FAM83H: variants seen among roughly 807,000 people sequenced by gnomAD.
FAM83H encodes the protein scaffolding CK1 anchoring protein H.
A neutral mutation model predicts 30.2 loss-of-function variants in FAM83H; 24 were observed. That is an observed-to-expected ratio of 0.79 (90% CI 0.57 to 1.12). FAM83H has a LOEUF of 1.12. FAM83H is among the 50% of genes most tolerant of loss of function. FAM83H has a pLI of 0.00. For synonymous variants in FAM83H, 1,013 were observed against 821.7 expected, an observed-to-expected ratio of 1.23 and a Z score of -3.98; for missense variants, 2,038 against 1,773.9, an observed-to-expected ratio of 1.15 and a Z score of -2.67.
chr8:143,725,208 G>C lies in FAM83H; in HGVS notation c.*713C>G, dbSNP rs1049691750. 1 of 148,776 alleles carries C rather than the reference G, an allele frequency of 6.7e-6. No homozygotes were observed. Among genetic ancestry groups the C allele is most frequent in the Non-Finnish European group, 1.5e-5 (1 of 66,770 alleles). The allele number at this position is 148,776 out of a possible 1,614,324, so 9.2% of individuals were successfully genotyped here. ...GGAGACCTTGAGAGAGGGAGGGAGC[G>C]GGGAGGGGGGAGGCCCTGAGAACAG... On this transcript the variant is annotated 3_prime_UTR_variant, in exon 5 of 5. Transcript: ENST00000388913.
rs1281497179 is a variant in FAM83H at position 143,723,981 on chromosome 8, T to G, written c.*1940A>C. 1 of 152,182 alleles carries G rather than the reference T, an allele frequency of 6.6e-6. No homozygotes were observed. The highest frequency in any genetic ancestry group is 1.5e-5 in the Non-Finnish European group (1 of 68,032). The allele number at this position is 152,182 out of a possible 1,614,324, so 9.4% of individuals were successfully genotyped here. A position where few individuals can be genotyped will look rare whatever the true frequency, so the allele number is the denominator to read the frequency against. On this transcript the variant is annotated 3_prime_UTR_variant, in exon 5 of 5. Transcript: ENST00000388913. ...AACACCAAAATGTGCCACATCATGG[T>G]TTAGAAGAGGTGGAGGGTGCAGGCA...
Position 143,727,774 on chromosome 8 carries a change from C to T in FAM83H, c.1687G>A (p.Glu563Lys), listed in dbSNP as rs1554622865. ...AARPGPDPAP[E>K]AEPERRGGPE... ...CCGCCCCTGCGCTCCGGCTCCGCCT[C>T]GGGAGCGGGGTCTGGGCCCGGCCTC... Residue 563 changes from glutamate to lysine, a missense_variant, in exon 5 of 5, where the codon GAG (glutamate) becomes AAG (lysine). Transcript: ENST00000388913. 1.4e-6 allele frequency: 2 copies of T among 1,454,698 alleles called. No homozygotes were observed. Among genetic ancestry groups the T allele is most frequent in the South Asian group, 2.7e-5 (2 of 74,522 alleles). 90.1% of individuals were successfully genotyped at this position (1,454,698 alleles called of 1,614,324 possible).
Position 143,731,417 on chromosome 8 carries a change from C to T in FAM83H, c.-15-820G>A, listed in dbSNP as rs569807471. Reference sequence around the variant, plus strand: ...CAGCAAACAGGGCTGTGACTACCCTCCTCCTGGAATGGCAACCTTAAGCCC... The same window carrying T: ...CAGCAAACAGGGCTGTGACTACCCTTCTCCTGGAATGGCAACCTTAAGCCC... On this transcript the variant is annotated intron_variant, in intron 1 of 4. Transcript: ENST00000388913. 9.1e-6 allele frequency: 9 copies of T among 985,362 alleles called. No individual in the cohort carries two copies. In the African/African-American group the frequency reaches 1.6e-4, roughly 17 times the overall value. The allele number at this position is 985,362 out of a possible 1,614,324, so 61.0% of individuals were successfully genotyped here.
In FAM83H at chr8:143,729,289, A is replaced by C. The variant is rs782288794; in HGVS notation, c.482T>G (p.Val161Gly). 11 of 1,613,210 alleles carry C rather than the reference A, an allele frequency of 6.8e-6. No homozygotes were observed. The highest frequency in any genetic ancestry group is 1.7e-5 in the Admixed American group (1 of 60,010). Residue 161 changes from valine to glycine, a missense_variant, in exon 3 of 5, where the codon GTG becomes GGG. Transcript: ENST00000388913. ...CTCCAGCACTTCGCTGAGCAGGTCC[A>C]CATCAGTGAACATGTCCATCACCAC... The part of the protein sequence containing the change: ...VAVVMDMFTD[V>G]DLLSEVLEAA...
chr8:143,730,163 G>C lies in FAM83H; in HGVS notation c.420C>G (p.Ala140=), dbSNP rs782434233. Reference sequence around the variant, plus strand: ...GCTGGGCGGAACGGATCATCCTGCGGGCCTCATCCTTGATACTGGGGCTGT... The same window carrying C: ...GCTGGGCGGAACGGATCATCCTGCGCGCCTCATCCTTGATACTGGGGCTGT... The part of the protein sequence containing the change: ...PPDSPSIKDE[A]RRMIRSAQQV... The change falls in exon 2 of 5, where the codon GCC becomes GCG. Residue 140 remains alanine (A), a synonymous_variant. Coordinates refer to ENST00000388913, the MANE Select transcript of FAM83H (RefSeq NM_198488.5). The C allele has an allele frequency of 1.3e-5, 20 of 1,597,244 alleles. No homozygotes were observed. The highest frequency in any genetic ancestry group is 1.7e-5 in the Admixed American group (1 of 59,140).
In FAM83H at chr8:143,728,548, C is replaced by A; in HGVS notation, c.913G>T (p.Ala305Ser). 1 of 1,576,300 alleles carries A rather than the reference C, an allele frequency of 6.3e-7. No homozygotes were observed. Among genetic ancestry groups the A allele is most frequent in the South Asian group, 1.1e-5 (1 of 87,232 alleles). ...CCAGGGACGCCCACGAGAGGCCCGG[C>A]CCCGGCATACGGAGCCAGGGCATAG... ...DAYALAPYAG[A>S]GPLVGVPGVG... Residue 305 changes from alanine (A) to serine (S), a missense_variant, in exon 5 of 5, where the codon GCC becomes TCC. Physicochemically the swap from Ala to Ser is moderately conservative, Grantham distance 99. Transcript: ENST00000388913.
chr8:143,727,260 A>C lies in FAM83H; in HGVS notation c.2201T>G (p.Val734Gly). 3 of 1,535,160 alleles carry C rather than the reference A, an allele frequency of 2.0e-6. No individual in the cohort carries two copies. Among genetic ancestry groups the C allele is most frequent in the Non-Finnish European group, 2.6e-6 (3 of 1,146,404 alleles). The change falls in exon 5 of 5, where the codon GTG becomes GGG. Residue 734 changes from valine to glycine, a missense_variant. Physicochemically the swap from Val to Gly is moderately radical, Grantham distance 109. Transcript: ENST00000388913. ...CTTGTACTTCTCCAGCAGCTCCGCC[A>C]CCTTGGTGGAAGCCGCGGAGCGCAC... is the stretch of plus-strand genomic sequence containing the variant. ...EAVRSAASTK[V>G]AELLEKYKGP...
At chr8:143,728,862 A>G (rs2129681270) in intron 4 of FAM83H, 105 bp downstream of exon 4, 1 of 1,601,138 alleles carries the variant, frequency 6.2e-7, no homozygotes, top group African/African-American at 1.3e-5. Context: ...GCAGGGGTCT[A>G]CAGGACAAGG....
At position 143,725,999 on chromosome 8, in the gene FAM83H, G is replaced by A. The variant is rs576181548; in HGVS notation, c.3462C>T (p.Pro1154=). Residue 1154 remains proline, a synonymous_variant, in exon 5 of 5, where the codon CCC becomes CCT. Coordinates refer to ENST00000388913, the MANE Select transcript of FAM83H (RefSeq NM_198488.5). The part of the protein sequence containing the change: ...EASSPGAGEG[P]AEEGTRDSKV... ...TGCTGTCCCTGGTGCCCTCCTCCGC[G>A]GGGCCTTCCCCTGCCCCAGGGCTGC... 3.1e-6 allele frequency: 5 copies of A among 1,613,032 alleles called. No individual in the cohort carries two copies. In the South Asian group the frequency reaches 3.3e-5, roughly 11 times the overall value.
chr8:143,726,265 G>A lies in FAM83H; in HGVS notation c.3196C>T (p.His1066Tyr), dbSNP rs1818286409. 6.2e-7 allele frequency: 1 copy of A among 1,612,228 alleles called. No individual in the cohort carries two copies. Among genetic ancestry groups the A allele is most frequent in the Middle Eastern group, 1.6e-4 (1 of 6,062 alleles). ...GGACGGCCTAGCTCGGGGCTGTTGTGGGTCGGGCCGGGGCTCGGGGCAGGG... is the reference window on the plus strand; with the variant it reads ...GGACGGCCTAGCTCGGGGCTGTTGTAGGTCGGGCCGGGGCTCGGGGCAGGG... ...AVPAPSPGPT[H>Y]NSPELGRPPA... is the part of the protein sequence containing the mutation. Residue 1066 changes from histidine to tyrosine, a missense_variant, in exon 5 of 5, where the codon CAC becomes TAC. Physicochemically the swap from His to Tyr is moderately conservative, Grantham distance 83 (BLOSUM62 2). Transcript: ENST00000388913.
In FAM83H at chr8:143,728,219, G is replaced by A. The variant is rs1281934329; in HGVS notation, c.1242C>T (p.Thr414=). The change falls in exon 5 of 5, where the codon ACC becomes ACT. Residue 414 remains threonine (T), a synonymous_variant. Coordinates refer to ENST00000388913, the MANE Select transcript of FAM83H (RefSeq NM_198488.5). Reference sequence around the variant, plus strand: ...AGTTCTCCACGGCGCCCGCGCCCTCGGTCGCGAAGCTGTGCCGCTTGAAGG... The same window carrying A: ...AGTTCTCCACGGCGCCCGCGCCCTCAGTCGCGAAGCTGTGCCGCTTGAAGG... ...MDAFKRHSFA[T]EGAGAVENFA... is the part of the protein sequence containing the mutation. 1.3e-6 allele frequency: 2 copies of A among 1,596,082 alleles called. No individual in the cohort carries two copies.
intron 1 of FAM83H, chr8:143,731,332 C>T (rs1330365557): frequency 1.0e-6 from 1 of 985,234 alleles, no homozygotes; most frequent in Non-Finnish European, 1.2e-6. Flanking sequence ...CTCTGGCCTA[C>T]CTCTACTGCA....
At position 143,730,144 on chromosome 8, in the gene FAM83H, C is replaced by T. The variant is rs1488668089; in HGVS notation, c.439G>A (p.Ala147Thr). The change falls in exon 2 of 5, where the codon GCC (alanine) becomes ACC (threonine). Residue 147 changes from alanine to threonine, a missense_variant. Ala to Thr is a moderately conservative substitution (Grantham distance 58). Coordinates refer to ENST00000388913, the MANE Select transcript of FAM83H (RefSeq NM_198488.5). ...AGCCCAAGATGGCGCACCTGCTGGG[C>T]GGAACGGATCATCCTGCGGGCCTCA... ...KDEARRMIRS[A>T]QQVVAVVMDM... 3.8e-6 allele frequency: 6 copies of T among 1,570,986 alleles called. No homozygotes were observed. Among genetic ancestry groups the T allele is most frequent in the East Asian group, 2.3e-5 (1 of 44,090 alleles).
Position 143,725,985 on chromosome 8 carries a change from G to T in FAM83H, c.3476C>A (p.Thr1159Asn). The T allele has an allele frequency of 6.2e-7, 1 of 1,613,048 alleles. No homozygotes were observed. Among genetic ancestry groups the T allele is most frequent in the East Asian group, 2.2e-5 (1 of 44,868 alleles). Residue 1159 changes from threonine to asparagine, a missense_variant, in exon 5 of 5, where the codon ACC becomes AAC. Coordinates refer to ENST00000388913, the MANE Select transcript of FAM83H (RefSeq NM_198488.5). ...GAGEGPAEEGTRDSKVGKFVP... is the reference protein window; with the variant it reads ...GAGEGPAEEGNRDSKVGKFVP... The stretch of plus-strand genomic sequence containing the variant: ...GAACTTGCCCACCTTGCTGTCCCTG[G>T]TGCCCTCCTCCGCGGGGCCTTCCCC...
chr8:143,729,798 G>C (rs1295357149), intron 2 of FAM83H, among the ~76,000 whole-genome samples: 4 of 152,240 alleles, frequency 2.6e-5, no homozygotes, highest in Non-Finnish European at 5.9e-5. Flanking sequence ...TCTGCTAGCT[G>C]TTTGGTGATG....
chr8:143,726,415 C>T lies in FAM83H; in HGVS notation c.3046G>A (p.Glu1016Lys), dbSNP rs1554621765. The change falls in exon 5 of 5, where the codon GAG becomes AAG. Residue 1016 changes from glutamate to lysine, a missense_variant. Transcript: ENST00000388913. ...GACAGGCGCGCCCGCGGACCCCGCT[C>T]TTCTGTGGCAGCCTCCGTGCTGTCA... Reference protein sequence around the residue: ...QGDSTEAATEERGPRARLSSA... With the variant: ...QGDSTEAATEKRGPRARLSSA... The T allele has an allele frequency of 1.2e-6, 2 of 1,604,748 alleles. No homozygotes were observed. The highest frequency in any genetic ancestry group is 1.7e-5 in the Admixed American group (1 of 59,264).
At position 143,728,061 on chromosome 8, in the gene FAM83H, G is replaced by A. The variant is rs377309350; in HGVS notation, c.1400C>T (p.Ala467Val). 2.0e-5 allele frequency: 32 copies of A among 1,609,876 alleles called. No homozygotes were observed. Among genetic ancestry groups the A allele is most frequent in the Middle Eastern group, 1.7e-4 (1 of 5,916 alleles). ...QYQWDPQLTP[A>V]RPQGLFEKLR... ...CTTCTCGAACAGGCCTTGCGGGCGCGCCGGCGTGAGCTGCGGGTCCCACTG... is the reference window on the plus strand; with the variant it reads ...CTTCTCGAACAGGCCTTGCGGGCGCACCGGCGTGAGCTGCGGGTCCCACTG... Residue 467 changes from alanine (A) to valine (V), a missense_variant, in exon 5 of 5, where the codon GCG becomes GTG. Coordinates refer to ENST00000388913, the MANE Select transcript of FAM83H (RefSeq NM_198488.5).
chr8:143,726,297 C>G lies in FAM83H; in HGVS notation c.3164G>C (p.Arg1055Pro), dbSNP rs1554621681. ...GCCGGGGCTCGGGGCAGGGACCGCA[C>G]GGTGCTTCTGGCCGTGGGCACTGAT... The part of the protein sequence containing the change: ...EQISAHGQKH[R>P]AVPAPSPGPT... Residue 1055 changes from arginine to proline, a missense_variant, in exon 5 of 5, where the codon CGT (arginine) becomes CCT (proline). Transcript: ENST00000388913. 9 of 1,612,112 alleles carry G rather than the reference C, an allele frequency of 5.6e-6. No homozygotes were observed. In the East Asian group the frequency reaches 1.3e-4, roughly 24 times the overall value.
Position 143,729,662 on chromosome 8 carries a change from G to A in FAM83H, c.448-339C>T, listed in dbSNP as rs577509085. On this transcript the variant is annotated intron_variant, in intron 2 of 4. Coordinates refer to ENST00000388913, the MANE Select transcript of FAM83H (RefSeq NM_198488.5). ...CCCCCATTCCAGGGCAGCTGTCAGG[G>A]CCAAGTGCCAGGCTCCAGTTCTGCC... is the stretch of plus-strand genomic sequence containing the variant. Among the ~76,000 whole-genome samples, 380 of 152,338 alleles carry A rather than the reference G, an allele frequency of 2.5e-3. 2 individuals carry two copies. Among genetic ancestry groups the A allele is most frequent in the African/African-American group, 8.8e-3 (367 of 41,576 alleles).
Sources: allele counts gnomAD v4.1 joint callset (sites outside exome capture counted in the v4.1 genomes callset), GRCh38; gene constraint gnomAD v4.1.1; transcripts MANE v1.5; gene names NCBI Gene and HGNC (gene_info 2026-07-23, HGNC 2026-07-21).